IL17B: variants seen among roughly 807,000 people sequenced by gnomAD.
The protein encoded by IL17B is interleukin 17B.
A neutral mutation model predicts 14.7 loss-of-function variants in IL17B; 14 were observed. The ratio of observed to expected loss-of-function variants is 0.95; its 90% CI spans 0.63 to 1.49. The LOEUF (loss-of-function observed/expected upper bound fraction) is 1.49, where lower values mean the gene tolerates loss of function less well. Ranked by LOEUF, IL17B falls within the 40% of genes most tolerant of loss-of-function variation. IL17B has a pLI of 0.00. For synonymous variants in IL17B, 105 were observed against 94.8 expected (o/e 1.11, Z -0.62); for missense variants, 233 against 252.8 (o/e 0.92, Z 0.53).
chr5:149,377,952 G>A (rs1758589635), intron 1 of IL17B, among the ~76,000 whole-genome samples: 1 of 152,036 alleles, frequency 6.6e-6, no homozygotes, highest in African/African-American at 2.4e-5. Context: ...GACCATCCTG[G>A]CTAACACTGT....
Position 149,374,569 on chromosome 5 carries a change from C to T in IL17B, c.343G>A (p.Asp115Asn), listed in dbSNP as rs749925422. The change falls in exon 3 of 3, where the codon GAC becomes AAC. Residue 115 changes from aspartate to asparagine, a missense_variant. Transcript: ENST00000261796. The surrounding 1 kb of genome is among the most constrained non-coding windows in gnomAD (Gnocchi z 5.0). The part of the protein sequence containing the change: ...INHDPSRIPV[D>N]LPEARCLCLG... ...CACAGGCACCGTGCCTCCGGCAGGTCCACGGGGATACGGCTGGGGTCGTGG... is the reference window on the plus strand; with the variant it reads ...CACAGGCACCGTGCCTCCGGCAGGTTCACGGGGATACGGCTGGGGTCGTGG... 2.5e-6 allele frequency: 4 copies of T among 1,612,624 alleles called. No individual in the cohort carries two copies. The highest frequency in any genetic ancestry group is 2.5e-6 in the Non-Finnish European group (3 of 1,179,438).
chr5:149,389,234 T>G (rs1758890390), intron 1 of IL17B, among the ~76,000 whole-genome samples: 1 of 152,216 alleles, frequency 6.6e-6, no homozygotes, highest in Non-Finnish European at 1.5e-5. Context: ...ATCAGAGAGA[T>G]TCAAAGCTGA....
chr5:149,385,591 G>A (rs1404379288), intron 1 of IL17B, among the ~76,000 whole-genome samples: 2 of 152,238 alleles, frequency 1.3e-5, no homozygotes, highest in Non-Finnish European at 2.9e-5. Flanking sequence ...TGTGGGGGAC[G>A]TGGAATAAAC....
chr5:149,385,337 A>G (rs1758802997), intron 1 of IL17B, among the ~76,000 whole-genome samples: 1 of 151,888 alleles, frequency 6.6e-6, no homozygotes, highest in African/African-American at 2.4e-5. Flanking sequence ...CCTGGGCAAC[A>G]AGAATGAAAC....
chr5:149,385,351 A>G (rs13160429), intron 1 of IL17B, among the ~76,000 whole-genome samples: 70,325 of 151,842 alleles, frequency 0.46, 16,603 homozygotes, highest in African/African-American at 0.51. Context: ...ATGAAACTCC[A>G]TCTCAGAAAA....
At position 149,374,875 on chromosome 5, in the gene IL17B, G is replaced by A; in HGVS notation, c.312-275C>T. On this transcript the variant is annotated intron_variant, in intron 2 of 2. Coordinates refer to ENST00000261796, the MANE Select transcript of IL17B (RefSeq NM_014443.3). This position sits in a 1 kb window ranked among gnomAD's most constrained non-coding sequence, Gnocchi z 5.0. ...CAGCCAGATGCCCATCCCAGTACTA[G>A]GTTGCGCTGTGGGGATTGTGGAGTA... 2.5e-6 allele frequency: 1 copy of A among 406,118 alleles called. No individual in the cohort carries two copies. Among genetic ancestry groups the A allele is most frequent in the East Asian group, 3.9e-5 (1 of 25,796 alleles). 25.2% of individuals were successfully genotyped at this position (406,118 alleles called of 1,614,324 possible).
chr5:149,399,981 T>C (rs1463870549), intron 1 of IL17B, among the ~76,000 whole-genome samples: 1 of 152,174 alleles, frequency 6.6e-6, no homozygotes, highest in Non-Finnish European at 1.5e-5. Flanking sequence ...TTCCTGCTTC[T>C]TCACAGTAGC....
At chr5:149,386,552 T>C (rs1758831846) in intron 1 of IL17B, among the ~76,000 whole-genome samples, 1 of 152,184 alleles carries the variant, frequency 6.6e-6, no homozygotes, top group Non-Finnish European at 1.5e-5. Context: ...GAGGTTTAAA[T>C]ATCTTGCCTA....
rs1758477861 is a variant in IL17B, at chr5:149,374,718, G to A, written c.312-118C>T. The A allele has an allele frequency of 4.0e-6, 3 of 744,908 alleles. No individual in the cohort carries two copies. The highest frequency in any genetic ancestry group is 6.4e-6 in the Non-Finnish European group (3 of 467,900). The allele number at this position is 744,908 out of a possible 1,614,324, so 46.1% of individuals were successfully genotyped here. ...GTTTTAATTTCCACAGCAAGACTGT[G>A]TTGGGCTGGAGGAAAGGCAGTAATC... On this transcript the variant is annotated intron_variant, in intron 2 of 2. Transcript: ENST00000261796. This position sits in a 1 kb window ranked among gnomAD's most constrained non-coding sequence, Gnocchi z 5.0.
intron 1 of IL17B, among the ~76,000 whole-genome samples, chr5:149,385,426 G>A (rs1165741827): frequency 6.6e-6 from 1 of 152,188 alleles, no homozygotes; most frequent in South Asian, 2.1e-4. Flanking sequence ...TTACAGGCGT[G>A]AGCCACCGTA....
intron 2 of IL17B, among the ~76,000 whole-genome samples, chr5:149,375,271 G>A (rs1758495710): frequency 6.6e-6 from 1 of 152,164 alleles, no homozygotes; most frequent in Non-Finnish European, 1.5e-5. Context: ...CCCTCCTGGT[G>A]CTCTCAGGGA....
At chr5:149,392,641 G>A (rs943534169) in intron 1 of IL17B, among the ~76,000 whole-genome samples, 4 of 152,200 alleles carry the variant, frequency 2.6e-5, no homozygotes, top group African/African-American at 9.7e-5. Context: ...AGGGAGTGGG[G>A]TTAGAAGGGA....
chr5:149,376,921 A>G lies in IL17B; in HGVS notation c.126T>C (p.Pro42=), dbSNP rs1561710182. The change falls in exon 2 of 3, where the codon CCT becomes CCC. Residue 42 remains proline (P), a synonymous_variant. Coordinates refer to ENST00000261796, the MANE Select transcript of IL17B (RefSeq NM_014443.3). The part of the protein sequence containing the change: ...QGRPGPLAPG[P]HQVPLDLVSR... ...ACACCAGGTCCAGTGGCACCTGGTG[A>G]GGGCCAGGGGCCAGGGGCCCAGGCC... 3 of 1,613,888 alleles carry G rather than the reference A, an allele frequency of 1.9e-6. No individual in the cohort carries two copies. In the Admixed American group the frequency reaches 5.0e-5, roughly 27 times the overall value.
intron 1 of IL17B, among the ~76,000 whole-genome samples, chr5:149,398,956 A>G (rs1312641135): frequency 6.6e-6 from 1 of 152,212 alleles, no homozygotes; most frequent in East Asian, 1.9e-4. Flanking sequence ...CCTCACAATC[A>G]TGGCAGAAGG....
At chr5:149,381,524 T>C (rs2127618609), upstream of IL17B, among the ~76,000 whole-genome samples, 3 of 152,346 alleles carry the variant, frequency 2.0e-5, no homozygotes, top group South Asian at 6.2e-4. Flanking sequence ...CCTCAGACTT[T>C]ATACAAACAG....
At chr5:149,403,626 C>T (rs929347770) in intron 1 of IL17B, among the ~76,000 whole-genome samples, 3 of 152,132 alleles carry the variant, frequency 2.0e-5, no homozygotes, top group African/African-American at 7.2e-5. Flanking sequence ...AGCTGAGCCT[C>T]CTGGGTAGAA....
chr5:149,401,924 G>A (rs867923093), intron 1 of IL17B, among the ~76,000 whole-genome samples: 1 of 151,908 alleles, frequency 6.6e-6, no homozygotes, highest in South Asian at 2.1e-4. Context: ...TTCACACATC[G>A]AACGGTGCAT....
intron 1 of IL17B, among the ~76,000 whole-genome samples, chr5:149,403,138 G>A (rs1759248610): frequency 6.6e-6 from 1 of 151,894 alleles, no homozygotes; most frequent in African/African-American, 2.4e-5. Context: ...AGACTGGAAT[G>A]CAGTGATGCA....
Position 149,374,653 on chromosome 5 carries a change from T to A in IL17B, c.312-53A>T. On this transcript the variant is annotated intron_variant, in intron 2 of 2. Transcript: ENST00000261796. This position sits in a 1 kb window ranked among gnomAD's most constrained non-coding sequence, Gnocchi z 5.0. The stretch of plus-strand genomic sequence containing the variant: ...CGGAAGGTGATCAGGAAAGGGCCAG[T>A]CAGCACCCATACTCCACACCCCTGC... 2 of 1,398,820 alleles carry A rather than the reference T, an allele frequency of 1.4e-6. No homozygotes were observed. Among genetic ancestry groups the A allele is most frequent in the South Asian group, 2.5e-5 (2 of 81,046 alleles). The allele number at this position is 1,398,820 out of a possible 1,614,324, so 86.7% of individuals were successfully genotyped here.
Sources: gnomAD v4.1 joint callset for allele counts (sites outside exome capture counted in the v4.1 genomes callset) on GRCh38, gnomAD v4.1.1 for gene constraint, Gnocchi (gnomAD v3.1) non-coding constraint, MANE v1.5 for transcripts, NCBI Gene and HGNC (gene_info 2026-07-23, HGNC 2026-07-21) for gene names.